The following FOXP2 variants were observed in gnomAD, a reference collection of about 807,000 sequenced individuals.
FOXP2 encodes the protein forkhead box protein P2.
In FOXP2, 12 loss-of-function variants were observed where a neutral mutation model predicts 115.8. That is an observed-to-expected ratio of 0.10 (90% confidence interval 0.07 to 0.17). FOXP2 has a LOEUF of 0.17. Among genes scored for constraint, FOXP2 ranks in the 10% least tolerant of loss-of-function variants. FOXP2 has a pLI of 1.00. For synonymous variants in FOXP2, 328 were observed against 297.7 expected, an observed-to-expected ratio of 1.10 and a Z score of -1.05; for missense variants, 629 against 843.5, an observed-to-expected ratio of 0.75 and a Z score of 3.15.
chr7:114,604,379 T>C (rs1338845600), intron 3 of FOXP2, among the ~76,000 whole-genome samples: 1 of 152,204 alleles, frequency 6.6e-6, no homozygotes. Flanking sequence ...GATGTAAACA[T>C]TCAGTGTATA....
rs532584193 is a variant in FOXP2, at chr7:114,651,894, T to A, written c.1095-309T>A. Among the ~76,000 whole-genome samples the A allele has an allele frequency of 3.9e-5, 6 of 152,270 alleles. No homozygotes were observed. In the South Asian group the frequency reaches 6.2e-4, roughly 16 times the overall value. On this transcript the variant is annotated intron_variant, in intron 8 of 16. Transcript: ENST00000350908. ...TCATAGATTTGTAAGCTGTTCTTTTTAAAAAAATGGCATAAATAATATGAC... is the reference window on the plus strand; with the variant it reads ...TCATAGATTTGTAAGCTGTTCTTTTAAAAAAAATGGCATAAATAATATGAC...
chr7:114,143,728 A>G (rs1192629882), intron 1 of FOXP2, among the ~76,000 whole-genome samples: 2 of 152,212 alleles, frequency 1.3e-5, no homozygotes. Flanking sequence ...AAAGAAGGAA[A>G]GTATAATCCT....
intron 2 of FOXP2, among the ~76,000 whole-genome samples, chr7:114,497,976 G>C (rs946233505): frequency 1.3e-5 from 2 of 152,104 alleles, no homozygotes; most frequent in Non-Finnish European, 2.9e-5. Context: ...AATGACTACA[G>C]GTTGACTTGA....
At chr7:114,415,637 A>T (rs920585773) in intron 1 of FOXP2, among the ~76,000 whole-genome samples, 3 of 151,922 alleles carry the variant, frequency 2.0e-5, no homozygotes, top group Non-Finnish European at 4.4e-5. Flanking sequence ...TTAAAAAAAA[A>T]TCTGCAAGAT....
At chr7:114,655,107 T>A (rs964637032) in intron 10 of FOXP2, among the ~76,000 whole-genome samples, 2 of 152,168 alleles carry the variant, frequency 1.3e-5, no homozygotes, top group African/African-American at 2.4e-5. Context: ...AACTCTAAAA[T>A]GTCTGAGTTT....
chr7:114,148,690 T>G (rs2129148434), intron 1 of FOXP2, among the ~76,000 whole-genome samples: 1 of 152,304 alleles, frequency 6.6e-6, no homozygotes, highest in East Asian at 1.9e-4. Flanking sequence ...TTCACTATGT[T>G]GTTGAAAGAC....
intron 2 of FOXP2, chr7:114,498,926 G>A (rs1408717965): frequency 1.4e-6 from 1 of 717,766 alleles, no homozygotes; most frequent in Non-Finnish European, 2.6e-6. Flanking sequence ...TAAAGTCTTT[G>A]GATCTATACT....
At chr7:114,169,477 T>C (rs1287123795) in intron 1 of FOXP2, among the ~76,000 whole-genome samples, 1 of 152,208 alleles carries the variant, frequency 6.6e-6, no homozygotes, top group African/African-American at 2.4e-5. Context: ...TTTCTTCCAT[T>C]TGGAATGGCT....
At chr7:114,221,650 G>C (rs907682336) in intron 1 of FOXP2, among the ~76,000 whole-genome samples, 3 of 151,998 alleles carry the variant, frequency 2.0e-5, no homozygotes, top group South Asian at 2.1e-4. Context: ...GCTGTATACT[G>C]TACTAAAGCA....
intron 3 of FOXP2, among the ~76,000 whole-genome samples, chr7:114,579,555 A>T (rs1563012159): frequency 6.7e-6 from 1 of 148,484 alleles, no homozygotes; most frequent in Non-Finnish European, 1.5e-5. Flanking sequence ...ACCATATTCC[A>T]TTTTTTTTTC....
At chr7:114,281,183 C>A (rs1421608737) in intron 1 of FOXP2, among the ~76,000 whole-genome samples, 1 of 139,338 alleles carries the variant, frequency 7.2e-6, no homozygotes, top group African/African-American at 2.6e-5. Context: ...CTCACTGCAA[C>A]CTCCCCCTCC....
chr7:114,103,320 T>C (rs1791033772), intron 1 of FOXP2, among the ~76,000 whole-genome samples: 1 of 152,072 alleles, frequency 6.6e-6, no homozygotes. Flanking sequence ...ACCAGGGCTC[T>C]CAAGCAGCCA....
chr7:114,607,257 G>C (rs931210097), intron 3 of FOXP2, among the ~76,000 whole-genome samples: 5 of 152,112 alleles, frequency 3.3e-5, no homozygotes, highest in Non-Finnish European at 7.4e-5. Context: ...GAAGTGCAAG[G>C]CTAGATATAT....
At chr7:114,112,548 C>T (rs1249121480) in intron 1 of FOXP2, among the ~76,000 whole-genome samples, 1 of 152,098 alleles carries the variant, frequency 6.6e-6, no homozygotes, top group Non-Finnish European at 1.5e-5. Context: ...TATCCACCCA[C>T]CTCGGCCTCC....
chr7:114,540,812 G>A lies in FOXP2; in HGVS notation c.258+6106G>A, dbSNP rs183850503. On this transcript the variant is annotated intron_variant, in intron 3 of 16. Transcript: ENST00000350908. The stretch of plus-strand genomic sequence containing the variant: ...GAAATTCTGAGATCTGGTTGGGCAA[G>A]TGTAAGTAGTTTGTTTTGATCAGCC... 3.2e-3 allele frequency among the ~76,000 whole-genome samples: 486 copies of A among 152,144 alleles called. 1 individual carries two copies. Among genetic ancestry groups the A allele is most frequent in the Middle Eastern group, 0.01 (3 of 294 alleles).
At chr7:114,433,308 G>A (rs1393086736) in intron 2 of FOXP2, among the ~76,000 whole-genome samples, 2 of 151,874 alleles carry the variant, frequency 1.3e-5, no homozygotes, top group African/African-American at 2.4e-5. Flanking sequence ...AAATTAAAAT[G>A]TGTCTTTTAA....
At chr7:114,552,753 C>G (rs538364474) in intron 3 of FOXP2, among the ~76,000 whole-genome samples, 1 of 151,956 alleles carries the variant, frequency 6.6e-6, no homozygotes, top group African/African-American at 2.4e-5. Context: ...GTTTAGAGTA[C>G]TTTTCTGTGT....
At chr7:114,242,714 G>C (rs900703296) in intron 1 of FOXP2, among the ~76,000 whole-genome samples, 4 of 152,238 alleles carry the variant, frequency 2.6e-5, no homozygotes, top group Middle Eastern at 3.4e-3. Context: ...ATATGTAAAA[G>C]ATATTCAGAG....
intron 3 of FOXP2, among the ~76,000 whole-genome samples, chr7:114,579,878 A>G (rs1351004443): frequency 6.6e-6 from 1 of 152,196 alleles, no homozygotes; most frequent in Non-Finnish European, 1.5e-5. Context: ...GATTATGAAA[A>G]TGGGAAATAC....
Sources: gnomAD v4.1 joint callset for allele counts (sites outside exome capture counted in the v4.1 genomes callset) on GRCh38, gnomAD v4.1.1 for gene constraint, MANE v1.5 for transcripts, NCBI Gene and HGNC (gene_info 2026-07-23, HGNC 2026-07-21) for gene names.